Variants in CACNA1F observed in about 807,000 individuals in gnomAD.
CACNA1F encodes the protein calcium voltage-gated channel subunit alpha1 F.
Under a neutral mutation model 143.8 loss-of-function variants are expected in CACNA1F, and 59 were observed. That is an observed-to-expected ratio of 0.41 (90% CI 0.33 to 0.51). The LOEUF (loss-of-function observed/expected upper bound fraction) is 0.51. Ranked by LOEUF, CACNA1F falls within the 20% of genes least tolerant of loss-of-function variation. The probability of loss-of-function intolerance (pLI) is 0.22; values close to 1 mark genes in which losing one functional copy is unlikely to be tolerated. For synonymous variants in CACNA1F, 643 were observed against 649.1 expected (o/e 0.99, Z 0.14); for missense variants, 1,411 against 1,647.5 (o/e 0.86, Z 2.48).
intron 29 of CACNA1F, 98 bp from the exon 30 acceptor site, chrX:49,214,367 T>G: frequency 3.6e-6 from 2 of 549,773 alleles, no homozygotes; most frequent in Non-Finnish European, 3.3e-6. Context: ...GTCTGGGGAC[T>G]TGATTGCACT....
chrX:49,222,454 G>T, intron 17 of CACNA1F, 68 bp downstream of exon 17: 1 of 887,558 alleles, frequency 1.1e-6, no homozygotes, highest in Non-Finnish European at 1.6e-6. Context: ...TGGTGGTGGG[G>T]GTGTCTGAGG....
rs782006973 is a variant in CACNA1F, at chrX:49,226,057, G to T, written c.1503C>A (p.Arg501=). 2.5e-6 allele frequency: 3 copies of T among 1,187,718 alleles called. No individual in the cohort carries two copies. The highest frequency in any genetic ancestry group is 2.4e-5 in the Admixed American group (1 of 42,472). Residue 501 remains arginine, a synonymous_variant, in exon 13 of 48, where the codon CGC becomes CGA. Coordinates refer to ENST00000323022, the MANE Select transcript of CACNA1F (RefSeq NM_001256789.3). ...GTGCCCGAAGGACCCGGTTGGCTCGGCGGAGGCGGCGGCTGGGGGAAGGGG... is the reference window on the plus strand; with the variant it reads ...GTGCCCGAAGGACCCGGTTGGCTCGTCGGAGGCGGCGGCTGGGGGAAGGGG... ...IMKTRVCRRL[R]RANRVLRARC...
intron 19 of CACNA1F, among the ~76,000 whole-genome samples, chrX:49,220,142 A>T (rs1284884350): frequency 8.9e-6 from 1 of 112,264 alleles, no homozygotes; most frequent in Non-Finnish European, 1.9e-5. Flanking sequence ...CAGTGGTGCC[A>T]TCATGGCTCA....
rs141159097 is a variant in CACNA1F, at chrX:49,222,720, T to G, written c.2204A>C (p.Asn735Thr). 2.5e-3 allele frequency: 3,078 copies of G among 1,209,656 alleles called. 6 individuals carry two copies. The highest frequency in any genetic ancestry group is 3.1e-3 in the Non-Finnish European group (2,776 of 895,039). ...GCCCCACAAAGCTCCAAGGATACAG[T>G]TGCCACAGATGAAGAGAATGATGAA... ...IYFIILFICGNYILLNVFLAI... is the reference protein window; with the variant it reads ...IYFIILFICGTYILLNVFLAI... Residue 735 changes from asparagine to threonine, a missense_variant and splice_region_variant, in exon 16 of 48, where the codon AAC becomes ACC. Physicochemically the swap from Asn to Thr is moderately conservative, Grantham distance 65. Around this residue, in one of 3 missense-constraint regions of CACNA1F, gnomAD observed 950 missense variants for 1,128.1 expected, o/e 0.84. Transcript: ENST00000323022.
chrX:49,225,908 C>T lies in CACNA1F; in HGVS notation c.1651+1G>A. The T allele has an allele frequency of 8.6e-7, 1 of 1,166,889 alleles. No individual in the cohort carries two copies. The stretch of plus-strand genomic sequence containing the variant: ...AGACGACTAGCAGGCTGGGGGTGTA[C>T]CCTGGATCTGGGTGAGCCACACAGG... On this transcript the variant is annotated splice_donor_variant, in intron 13 of 47. Coordinates refer to ENST00000323022, the MANE Select transcript of CACNA1F (RefSeq NM_001256789.3). LOFTEE classifies it high-confidence loss of function.
intron 2 of CACNA1F, 129 bp from the exon 3 acceptor site, chrX:49,231,436 C>T (rs1486001635): frequency 8.2e-6 from 5 of 613,218 alleles, no homozygotes; most frequent in Non-Finnish European, 1.1e-5. Context: ...GACCCCTGCC[C>T]TGACAAGGCC....
Position 49,230,493 on chromosome X carries a change from G to A in CACNA1F, c.638C>T (p.Pro213Leu), listed in dbSNP as rs1455282419. Residue 213 changes from proline (P) to leucine (L), a missense_variant, in exon 5 of 48, where the codon CCA becomes CTA. Pro to Leu is a moderately conservative substitution (Grantham distance 98, BLOSUM62 -3). This residue lies in a region of CACNA1F where 950 missense variants were observed against 1,128.1 expected (regional missense o/e 0.84). Transcript: ENST00000323022. ...KALRAFRVLRPLRLVSGVPSL... is the reference protein window; with the variant it reads ...KALRAFRVLRLLRLVSGVPSL... ...CGGGACCCCAGACACCAGCCTCAGT[G>A]GCCGCAGCACCCGAAACGCCCTCAA... The A allele has an allele frequency of 2.5e-6, 3 of 1,206,991 alleles. No individual in the cohort carries two copies. Among genetic ancestry groups the A allele is most frequent in the Non-Finnish European group, 3.4e-6 (3 of 893,881 alleles).
intron 19 of CACNA1F, 60 bp from the exon 20 acceptor site, chrX:49,219,850 A>T: frequency 1.5e-6 from 1 of 687,562 alleles, no homozygotes; most frequent in Non-Finnish European, 2.3e-6. Flanking sequence ...AGCACCCAGA[A>T]CAGTGTTTGC....
rs1011156825 is a variant in CACNA1F, at chrX:49,213,733, C to A, written c.3792+86G>T. ...GTAGGGAGGATGTGCGTGGGAGCCA[C>A]CCACCCACGTGAAAGGGAACCCCGG... On this transcript the variant is annotated intron_variant, in intron 31 of 47. Transcript: ENST00000323022. The A allele has an allele frequency of 7.7e-6, 5 of 649,632 alleles. No individual in the cohort carries two copies. In the East Asian group the frequency reaches 1.6e-4, roughly 21 times the overall value. The allele number at this position is 649,632 out of a possible 1,213,427, so 53.5% of individuals were successfully genotyped here.
In CACNA1F at chrX:49,217,966, C is replaced by T. The variant is rs782473510; in HGVS notation, c.2968G>A (p.Gly990Arg). Residue 990 changes from glycine to arginine, a missense_variant, in exon 25 of 48, where the codon GGA (glycine) becomes AGA (arginine). Physicochemically the swap from Gly to Arg is moderately radical, Grantham distance 125 (BLOSUM62 -2). Coordinates refer to ENST00000323022, the MANE Select transcript of CACNA1F (RefSeq NM_001256789.3). ...AGTGTGGTGACAATCATGATGTTTC[C>T]GATGGTCCGGATGGCCACAAATACA... ...QCVFVAIRTI[G>R]NIMIVTTLLQ... 20 of 1,208,789 alleles carry T rather than the reference C, an allele frequency of 1.7e-5. No homozygotes were observed. The highest frequency in any genetic ancestry group is 5.9e-5 in the East Asian group (2 of 33,761).
rs2065648188 is a variant in CACNA1F, at chrX:49,210,637, G to T, written c.4438C>A (p.Pro1480Thr). 1 of 1,209,340 alleles carries T rather than the reference G, an allele frequency of 8.3e-7. No homozygotes were observed. The highest frequency in any genetic ancestry group is 1.1e-6 in the Non-Finnish European group (1 of 894,816). ...CACAGCTTCCCAAATCCCAGAGGGG[G>T]CTGGATACGTCTCAGCAGGGCAACC... is the stretch of plus-strand genomic sequence containing the variant. ...DVVALLRRIQ[P>T]PLGFGKLCPH... The change falls in exon 38 of 48, where the codon CCC (proline) becomes ACC (threonine). Residue 1480 changes from proline to threonine, a missense_variant. Pro to Thr is a conservative substitution (Grantham distance 38, BLOSUM62 -1). This residue lies in a region of CACNA1F where 112 missense variants were observed against 169.2 expected (regional missense o/e 0.66). Coordinates refer to ENST00000323022, the MANE Select transcript of CACNA1F (RefSeq NM_001256789.3).
chrX:49,214,040 C>G (rs1557106844), intron 30 of CACNA1F, 119 bp downstream of exon 30: 4 of 637,690 alleles, frequency 6.3e-6, no homozygotes, highest in Non-Finnish European at 7.8e-6. Context: ...GAGTCCCTCT[C>G]ACTCCCTAGA....
chrX:49,212,895 CT>C lies in CACNA1F; in HGVS notation c.3813+78del, dbSNP rs1196569327. 4.3e-6 allele frequency: 5 copies of C among 1,163,744 alleles called. No individual in the cohort carries two copies. In the Admixed American group the frequency reaches 1.1e-4, roughly 26 times the overall value. ...TCCCAGTACCCAAATCACTCAGGCCCTAGGGTAATCTGGAGGGATGGAGGGA... is the reference window on the plus strand; with the variant it reads ...TCCCAGTACCCAAATCACTCAGGCCCAGGGTAATCTGGAGGGATGGAGGGA... On this transcript the variant is annotated intron_variant, in intron 32 of 47. Transcript: ENST00000323022.
At chrX:49,225,678 A>C (rs1048069020) in intron 13 of CACNA1F, among the ~76,000 whole-genome samples, 1 of 111,430 alleles carries the variant, frequency 9.0e-6, no homozygotes, top group African/African-American at 3.3e-5. Context: ...TGGTGAAGAA[A>C]TTGTCAGTAC....
At chrX:49,209,117 A>T in intron 42 of CACNA1F, 145 bp downstream of exon 42, 1 of 679,291 alleles carries the variant, frequency 1.5e-6, no homozygotes, top group Non-Finnish European at 2.3e-6. Flanking sequence ...ATGAGCCACC[A>T]CTCCCAGCCT....
Position 49,210,607 on chromosome X carries a change from G to A in CACNA1F, c.4468C>T (p.His1490Tyr), listed in dbSNP as rs781816958. 8.3e-7 allele frequency: 1 copy of A among 1,210,302 alleles called. No homozygotes were observed. Among genetic ancestry groups the A allele is most frequent in the Non-Finnish European group, 1.1e-6 (1 of 894,344 alleles). ...PPLGFGKLCP[H>Y]RVACKRLVAM... ...GCACAGACCTTGCAGGCCACTCGGT[G>A]TGGGCACAGCTTCCCAAATCCCAGA... The change falls in exon 38 of 48, where the codon CAC becomes TAC. Residue 1490 changes from histidine to tyrosine, a missense_variant. Around this residue, in one of 3 missense-constraint regions of CACNA1F, gnomAD observed 112 missense variants for 169.2 expected, o/e 0.66. Coordinates refer to ENST00000323022, the MANE Select transcript of CACNA1F (RefSeq NM_001256789.3).
chrX:49,205,397 G>A (rs782755475), intron 47 of CACNA1F, 30 bp from the exon 48 acceptor site: 6 of 1,042,902 alleles, frequency 5.8e-6, no homozygotes, highest in South Asian at 3.9e-5. Context: ...CAGTGTTGAC[G>A]GACGGCACAG....
At chrX:49,230,658 C>T in intron 4 of CACNA1F, 49 bp from the exon 5 acceptor site, 1 of 1,126,101 alleles carries the variant, frequency 8.9e-7, no homozygotes. Context: ...CCTTGGGATT[C>T]CCCCCTCCAC....
chrX:49,211,159 A>C, intron 36 of CACNA1F, 67 bp from the exon 37 acceptor site: 2 of 1,151,855 alleles, frequency 1.7e-6, no homozygotes, highest in Admixed American at 2.2e-5. Context: ...GGATGGTGGG[A>C]GGCTGGGGCG....
Sources: gnomAD v4.1 joint callset for allele counts (sites outside exome capture counted in the v4.1 genomes callset) on GRCh38, gnomAD v4.1.1 for gene constraint, gnomAD v4.1.1 regional missense constraint, MANE v1.5 for transcripts, NCBI Gene and HGNC (gene_info 2026-07-23, HGNC 2026-07-21) for gene names.